ZBTB16: variants seen among roughly 807,000 people sequenced by gnomAD.
ZBTB16 encodes zinc finger and BTB domain-containing protein 16.
In ZBTB16, 8 loss-of-function variants were observed where a neutral mutation model predicts 56.8. The observed-to-expected ratio is 0.14, with a 90% CI of 0.08 to 0.25. ZBTB16 has a LOEUF of 0.25. Among genes scored for constraint, ZBTB16 ranks in the 10% least tolerant of loss-of-function variants. The pLI is 1.00. For synonymous variants in ZBTB16, 363 were observed against 368.5 expected, an observed-to-expected ratio of 0.98 and a Z score of 0.17; for missense variants, 625 against 903.0, an observed-to-expected ratio of 0.69 and a Z score of 3.95.
In ZBTB16 at chr11:114,242,384, C is replaced by T. The variant is rs370985172; in HGVS notation, c.1624+47C>T. The T allele has an allele frequency of 3.4e-4, 551 of 1,604,834 alleles. 4 individuals carry two copies. Among genetic ancestry groups the T allele is most frequent in the Admixed American group, 3.0e-3 (180 of 59,456 alleles). The stretch of plus-strand genomic sequence containing the variant: ...GTGGATCTGGGTCTCTGGGAGCCAG[C>T]GTCTATATTTACCTCCAAGGACGTA... On this transcript the variant is annotated intron_variant, in intron 5 of 6. Transcript: ENST00000335953.
intron 2 of ZBTB16, among the ~76,000 whole-genome samples, chr11:114,101,321 T>C (rs921945156): frequency 6.6e-6 from 1 of 151,860 alleles, no homozygotes; most frequent in East Asian, 1.9e-4. Context: ...GGTGTTTTTG[T>C]TTGTTTGTTT....
chr11:114,256,609 T>C lies in ZBTB16; in HGVS notation c.*6054T>C, dbSNP rs1945021073. Among the ~76,000 whole-genome samples the C allele has an allele frequency of 6.6e-6, 1 of 152,208 alleles. No homozygotes were observed. The highest frequency in any genetic ancestry group is 2.4e-5 in the African/African-American group (1 of 41,452). On this transcript the variant is annotated 3_prime_UTR_variant, in exon 7 of 7. Transcript: ENST00000335953. ...CTTCAGAAATTTCTCAACAAGAAGC[T>C]TCCACACAATCAAAGGTCCCTGCCT...
chr11:114,064,498 C>G lies in ZBTB16; in HGVS notation c.1198C>G (p.Arg400Gly), dbSNP rs1177525752. ...GGCTGTGGGCATGAAGTCAGAGAGC[C>G]GGACCATCGGAGAGCAGTGCAGCGT... ...ELAVGMKSES[R>G]TIGEQCSVCG... The change falls in exon 2 of 7, where the codon CGG becomes GGG. Residue 400 changes from arginine (R) to glycine (G), a missense_variant. Physicochemically the swap from Arg to Gly is moderately radical, Grantham distance 125 (BLOSUM62 -2). This residue lies in a region of ZBTB16 where 384 missense variants were observed against 393.5 expected (regional missense o/e 0.98). Transcript: ENST00000335953. This position sits in a 1 kb window ranked among gnomAD's most constrained non-coding sequence, Gnocchi z 4.2. 1.2e-6 allele frequency: 2 copies of G among 1,613,974 alleles called. No homozygotes were observed. The highest frequency in any genetic ancestry group is 1.7e-6 in the Non-Finnish European group (2 of 1,180,048).
intron 3 of ZBTB16, among the ~76,000 whole-genome samples, chr11:114,169,133 C>A (rs560191244): frequency 1.8e-4 from 28 of 152,056 alleles, no homozygotes; most frequent in Admixed American, 1.8e-3. Context: ...TCCTGCATGG[C>A]GACGCAACTG....
rs182896731 is a variant in ZBTB16 at position 114,205,282 on chromosome 11, C to T, written c.1453+18244C>T. Among the ~76,000 whole-genome samples the T allele has an allele frequency of 2.0e-3, 304 of 151,924 alleles. 3 individuals are homozygous for T. In the East Asian group the frequency reaches 0.021, roughly 11 times the overall value. Reference sequence around the variant, plus strand: ...AAAATTAGCCGGGCGTAGTGGTGGGCGCCTGTAGTCCCAGCTACTCAGGAG... The same window carrying T: ...AAAATTAGCCGGGCGTAGTGGTGGGTGCCTGTAGTCCCAGCTACTCAGGAG... On this transcript the variant is annotated intron_variant, in intron 4 of 6. Transcript: ENST00000335953.
At chr11:114,177,917 A>T (rs1943155839) in intron 3 of ZBTB16, among the ~76,000 whole-genome samples, 1 of 152,208 alleles carries the variant, frequency 6.6e-6, no homozygotes, top group African/African-American at 2.4e-5. Flanking sequence ...TTACTATCCT[A>T]CTTGCATTTT....
chr11:114,103,131 A>T (rs1481720214), intron 2 of ZBTB16, among the ~76,000 whole-genome samples: 2 of 152,218 alleles, frequency 1.3e-5, no homozygotes, highest in Non-Finnish European at 2.9e-5. Context: ...CACTGTGATT[A>T]TTGAGGTTCG....
chr11:114,168,672 A>G (rs907070956), intron 3 of ZBTB16, among the ~76,000 whole-genome samples: 3 of 152,168 alleles, frequency 2.0e-5, no homozygotes, highest in African/African-American at 7.2e-5. Flanking sequence ...ATTATAGTAT[A>G]GCATGCTGCT....
intron 4 of ZBTB16, among the ~76,000 whole-genome samples, chr11:114,201,562 T>A (rs1231571036): frequency 6.6e-6 from 1 of 152,216 alleles, no homozygotes; most frequent in Non-Finnish European, 1.5e-5. Context: ...GGATGCTGAT[T>A]GCAACACTAT....
chr11:114,089,162 G>A (rs1035214388), intron 2 of ZBTB16, among the ~76,000 whole-genome samples: 4 of 152,182 alleles, frequency 2.6e-5, no homozygotes, highest in Non-Finnish European at 5.9e-5. Context: ...AGGGATCTGC[G>A]GGGAGCGTTG....
chr11:114,146,452 C>CT (rs1423630000), intron 2 of ZBTB16, among the ~76,000 whole-genome samples: 1 of 152,038 alleles, frequency 6.6e-6, no homozygotes, highest in Non-Finnish European at 1.5e-5. Flanking sequence ...AAAATGGGCT[C>CT]TATACTGTCC....
Position 114,064,152 on chromosome 11 carries a change from T to C in ZBTB16, c.852T>C (p.Thr284=). 1 of 1,613,728 alleles carries C rather than the reference T, an allele frequency of 6.2e-7. No homozygotes were observed. Among genetic ancestry groups the C allele is most frequent in the Non-Finnish European group, 8.5e-7 (1 of 1,179,992 alleles). ...GCAAAGAGGGGCCTGGGACCCCGACTCGAAGCAGCGTCATCACCAGTGCTA... is the reference window on the plus strand; with the variant it reads ...GCAAAGAGGGGCCTGGGACCCCGACCCGAAGCAGCGTCATCACCAGTGCTA... The part of the protein sequence containing the change: ...ERGKEGPGTP[T]RSSVITSARE... Residue 284 remains threonine (T), a synonymous_variant, in exon 2 of 7, where the codon ACT becomes ACC. Transcript: ENST00000335953. This position sits in a 1 kb window ranked among gnomAD's most constrained non-coding sequence, Gnocchi z 4.2.
chr11:114,160,805 G>GGCC (rs1942568360), intron 3 of ZBTB16, among the ~76,000 whole-genome samples: 1 of 152,140 alleles, frequency 6.6e-6, no homozygotes, highest in Admixed American at 6.5e-5. Context: ...ATTAACTAAT[G>GGCC]AGATGATCTG....
rs1197856667 is a variant in ZBTB16 at position 114,064,544 on chromosome 11, A to G, written c.1244A>G (p.Asp415Gly). Residue 415 changes from aspartate (D) to glycine (G), a missense_variant, in exon 2 of 7, where the codon GAT (aspartate) becomes GGT (glycine). Coordinates refer to ENST00000335953, the MANE Select transcript of ZBTB16 (RefSeq NM_006006.6). The surrounding 1 kb of genome is among the most constrained non-coding windows in gnomAD (Gnocchi z 4.2). ...QCSVCGVELP[D>G]NEAVEQHRKL... ...AGCGTGTGTGGGGTCGAGCTTCCTG[A>G]TAACGAGGCTGTGGAGCAGCACAGG... 2.5e-6 allele frequency: 4 copies of G among 1,613,902 alleles called. No homozygotes were observed. The highest frequency in any genetic ancestry group is 3.4e-6 in the Non-Finnish European group (4 of 1,179,998).
In ZBTB16 at chr11:114,064,565, A is replaced by C. The variant is rs1172297010; in HGVS notation, c.1265A>C (p.His422Pro). The C allele has an allele frequency of 6.2e-7, 1 of 1,613,580 alleles. No individual in the cohort carries two copies. Among genetic ancestry groups the C allele is most frequent in the African/African-American group, 1.3e-5 (1 of 74,922 alleles). The part of the protein sequence containing the change: ...ELPDNEAVEQ[H>P]RKLHSGMKTY... Reference sequence around the variant, plus strand: ...CCTGATAACGAGGCTGTGGAGCAGCACAGGTAGGCCCCGCTCCAGCCCCGC... The same window carrying C: ...CCTGATAACGAGGCTGTGGAGCAGCCCAGGTAGGCCCCGCTCCAGCCCCGC... The change falls in exon 2 of 7, where the codon CAC becomes CCC. Residue 422 changes from histidine to proline, a missense_variant. Coordinates refer to ENST00000335953, the MANE Select transcript of ZBTB16 (RefSeq NM_006006.6). This position sits in a 1 kb window ranked among gnomAD's most constrained non-coding sequence, Gnocchi z 4.2.
intron 2 of ZBTB16, among the ~76,000 whole-genome samples, chr11:114,142,537 T>C (rs1037049551): frequency 6.6e-6 from 1 of 152,220 alleles, no homozygotes; most frequent in Non-Finnish European, 1.5e-5. Flanking sequence ...GACATAAATT[T>C]GGAATTTATC....
intron 2 of ZBTB16, among the ~76,000 whole-genome samples, chr11:114,074,088 G>A (rs934647228): frequency 6.6e-6 from 1 of 152,210 alleles, no homozygotes; most frequent in East Asian, 1.9e-4. Flanking sequence ...ACCTCTCAAT[G>A]TGGTTTTTAA....
chr11:114,238,915 G>A (rs1449255685), intron 4 of ZBTB16, among the ~76,000 whole-genome samples: 1 of 152,114 alleles, frequency 6.6e-6, no homozygotes, highest in Non-Finnish European at 1.5e-5. Flanking sequence ...AGGAGCTCTT[G>A]GAGTCGCCCT....
intron 4 of ZBTB16, among the ~76,000 whole-genome samples, chr11:114,233,032 T>TTCCCCCC (rs1555159413): frequency 1.6e-5 from 2 of 122,950 alleles, no homozygotes; most frequent in African/African-American, 3.1e-5. Flanking sequence ...CCCCAACTCA[T>TTCCCCCC]CCCCGGCCCC....
Sources: gnomAD v4.1 joint callset for allele counts (sites outside exome capture counted in the v4.1 genomes callset) on GRCh38, gnomAD v4.1.1 for gene constraint, gnomAD v4.1.1 regional missense constraint, Gnocchi (gnomAD v3.1) non-coding constraint, MANE v1.5 for transcripts, NCBI Gene and HGNC (gene_info 2026-07-23, HGNC 2026-07-21) for gene names.